GDPD1: variants seen among roughly 807,000 people sequenced by gnomAD.
GDPD1 encodes lysophospholipase D GDPD1.
GDPD1 carries 28 observed loss-of-function variants against 45.1 expected under a neutral mutation model. The ratio of observed to expected loss-of-function variants is 0.62; its 90% CI spans 0.46 to 0.85. GDPD1 has a LOEUF of 0.85. GDPD1 is among the 40% of genes least tolerant of loss of function. The pLI, the probability that GDPD1 is intolerant of heterozygous loss-of-function variation, is 0.00. For missense variants in GDPD1, 256 were observed against 364.8 expected, an observed-to-expected ratio of 0.70 and a Z score of 2.43; for synonymous variants, 139 against 131.4, an observed-to-expected ratio of 1.06 and a Z score of -0.40.
chr17:59,260,589 T>A (rs1292351608), intron 6 of GDPD1, among the ~76,000 whole-genome samples: 1 of 152,174 alleles, frequency 6.6e-6, no homozygotes, highest in Admixed American at 6.5e-5. Flanking sequence ...AAATGATAGT[T>A]AAACCTTCAT....
rs2047472458 is a variant in GDPD1, at chr17:59,275,124, G to C, written c.*1351G>C. 1 of 1,532,322 alleles carries C rather than the reference G, an allele frequency of 6.5e-7. No homozygotes were observed. The highest frequency in any genetic ancestry group is 8.7e-7 in the Non-Finnish European group (1 of 1,142,864). 94.9% of individuals were successfully genotyped at this position (1,532,322 alleles called of 1,614,324 possible). On this transcript the variant is annotated 3_prime_UTR_variant, in exon 10 of 10. Transcript: ENST00000284116. ...CTCAAAGTGCTGGGATTACAGGTTT[G>C]AACCACTGCACCCGGCCAGTAAAAG...
chr17:59,275,913 T>C lies in GDPD1; in HGVS notation c.*2140T>C, dbSNP rs2047476852. The C allele has an allele frequency of 6.6e-6, 1 of 152,246 alleles. No individual in the cohort carries two copies. The highest frequency in any genetic ancestry group is 1.5e-5 in the Non-Finnish European group (1 of 68,028). The allele number at this position is 152,246 out of a possible 1,614,324, so 9.4% of individuals were successfully genotyped here. Reference sequence around the variant, plus strand: ...CTGTACTCTCCTATCTGTCCCTGGATGACATAAATATCATTTGCTTTGTTG... The same window carrying C: ...CTGTACTCTCCTATCTGTCCCTGGACGACATAAATATCATTTGCTTTGTTG... On this transcript the variant is annotated 3_prime_UTR_variant, in exon 10 of 10. Transcript: ENST00000284116.
At chr17:59,224,523 G>T (rs966845120) in intron 1 of GDPD1, among the ~76,000 whole-genome samples, 3 of 151,818 alleles carry the variant, frequency 2.0e-5, no homozygotes, top group African/African-American at 4.8e-5. Flanking sequence ...TACTCAGGAG[G>T]CTGAGGCAGG....
chr17:59,223,886 A>T (rs2047025153), intron 1 of GDPD1, among the ~76,000 whole-genome samples: 1 of 152,008 alleles, frequency 6.6e-6, no homozygotes, highest in African/African-American at 2.4e-5. Flanking sequence ...ACTCCAGCTC[A>T]GGCGACAGTG....
intron 6 of GDPD1, 89 bp from the exon 7 acceptor site, chr17:59,266,952 T>C: frequency 9.3e-7 from 1 of 1,076,320 alleles, no homozygotes; most frequent in Non-Finnish European, 1.4e-6. Flanking sequence ...TTTCAACACA[T>C]TGTCTTGGGA....
At chr17:59,227,296 A>C (rs1568337229) in intron 1 of GDPD1, among the ~76,000 whole-genome samples, 1 of 151,724 alleles carries the variant, frequency 6.6e-6, no homozygotes, top group Non-Finnish European at 1.5e-5. Flanking sequence ...GCATGTGCTT[A>C]CAGTCCTAGC....
Position 59,255,800 on chromosome 17 carries a change from T to TATATACACAC in GDPD1, c.368-1317_368-1316insCACACATATA, listed in dbSNP as rs748031430. Among the ~76,000 whole-genome samples, 60 of 66,986 alleles carry TATATACACAC rather than the reference T, an allele frequency of 9.0e-4. 3 individuals carry two copies. Among genetic ancestry groups the TATATACACAC allele is most frequent in the African/African-American group, 5.8e-3 (57 of 9,814 alleles). 43.9% of individuals were successfully genotyped at this position (66,986 alleles called of 152,430 possible). Reference sequence around the variant, plus strand: ...ATATATATATACGCGTATATATGTATATATATATATACGCGTATATATATA... The same window carrying TATATACACAC: ...ATATATATATACGCGTATATATGTATATATACACACATATATATATACGCGTATATATATA... On this transcript the variant is annotated intron_variant, in intron 4 of 9. Transcript: ENST00000284116.
At chr17:59,249,472 A>C (rs1045092670) in intron 4 of GDPD1, among the ~76,000 whole-genome samples, 4 of 152,336 alleles carry the variant, frequency 2.6e-5, no homozygotes, top group African/African-American at 9.6e-5. Flanking sequence ...CCCCTTTCAA[A>C]TCCTTTCTGG....
At chr17:59,255,755 A>G (rs1469636333) in intron 4 of GDPD1, among the ~76,000 whole-genome samples, 1 of 87,528 alleles carries the variant, frequency 1.1e-5, no homozygotes, top group African/African-American at 7.0e-5. Context: ...AAAAAAAAAA[A>G]AAAAAAAATA....
chr17:59,248,302 TATAAAATAAA>T lies in GDPD1; in HGVS notation c.322-418_322-409del, dbSNP rs554878179. Among the ~76,000 whole-genome samples, 19 of 151,752 alleles carry T rather than the reference TATAAAATAAA, an allele frequency of 1.3e-4. No individual in the cohort carries two copies. The South Asian group carries it at 1.7e-3, about 13-fold the overall frequency. On this transcript the variant is annotated intron_variant, in intron 3 of 9. Transcript: ENST00000284116. Reference sequence around the variant, plus strand: ...CAATAGAGTGATACCCTGTCTCAAATATAAAATAAAATAAAATAAAATAAAATAATATTTA... The same window carrying T: ...CAATAGAGTGATACCCTGTCTCAAATATAAAATAAAATAAAATAATATTTA...
intron 1 of GDPD1, among the ~76,000 whole-genome samples, chr17:59,229,826 G>T (rs996047759): frequency 6.6e-6 from 1 of 152,142 alleles, no homozygotes; most frequent in Non-Finnish European, 1.5e-5. Flanking sequence ...TCTTTTCTGA[G>T]TATGTCCAGG....
At position 59,244,095 on chromosome 17, in the gene GDPD1, G is replaced by GA. The variant is rs1384306585; in HGVS notation, c.186-1315dup. 2.0e-5 allele frequency among the ~76,000 whole-genome samples: 3 copies of GA among 152,234 alleles called. No homozygotes were observed. In the East Asian group the frequency reaches 5.8e-4, roughly 29 times the overall value. On this transcript the variant is annotated intron_variant, in intron 2 of 9. Coordinates refer to ENST00000284116, the MANE Select transcript of GDPD1 (RefSeq NM_182569.4). ...TATTAAAAAGCTTTAGAGCAGGAAT[G>GA]AAAAGAAGTAAAGTACATTTGGAAG...
At chr17:59,240,099 T>C (rs1176936473) in intron 2 of GDPD1, among the ~76,000 whole-genome samples, 2 of 152,228 alleles carry the variant, frequency 1.3e-5, no homozygotes, top group African/African-American at 2.4e-5. Context: ...GAGACCAGCC[T>C]GTCCAATGTG....
intron 4 of GDPD1, among the ~76,000 whole-genome samples, chr17:59,251,912 G>T (rs1597979469): frequency 6.6e-6 from 1 of 150,702 alleles, no homozygotes. Flanking sequence ...GGAGGCTGAG[G>T]TGGGGGGATT....
chr17:59,250,613 C>CAA (rs34031181), intron 4 of GDPD1, among the ~76,000 whole-genome samples: 47,179 of 101,752 alleles, frequency 0.46, 9,268 homozygotes, highest in African/African-American at 0.57. Context: ...GACCTTGTCT[C>CAA]AAAAAAAAAA....
intron 4 of GDPD1, among the ~76,000 whole-genome samples, chr17:59,250,839 A>G (rs1289675777): frequency 1.3e-5 from 2 of 152,026 alleles, no homozygotes; most frequent in Non-Finnish European, 2.9e-5. Flanking sequence ...AGCTGGGATT[A>G]CAGGTACCCG....
intron 6 of GDPD1, among the ~76,000 whole-genome samples, chr17:59,264,800 A>G (rs1259584383): frequency 6.6e-6 from 1 of 152,150 alleles, no homozygotes; most frequent in African/African-American, 2.4e-5. Context: ...CTATTTTTTA[A>G]AAAAATAAAG....
rs554460246 is a variant in GDPD1, at chr17:59,261,354, G to A, written c.576+3514G>A. On this transcript the variant is annotated intron_variant, in intron 6 of 9. Transcript: ENST00000284116. ...GGAAGAACAGAGCAATCACTGGACT[G>A]AGTGGCTTTAGATTCCTAAGAACTT... Among the ~76,000 whole-genome samples the A allele has an allele frequency of 9.9e-5, 15 of 152,254 alleles. No individual in the cohort carries two copies. The South Asian group carries it at 2.9e-3, about 29-fold the overall frequency.
rs1226821183 is a variant in GDPD1 at position 59,257,180 on chromosome 17, C to G, written c.426C>G (p.Ala142=). ...RIPLLKEVFE[A]FPNTPINIDI... ...CATTACTGAAGGAAGTTTTTGAGGC[C>G]TTTCCTAACACTCCCATTAACATCG... is the stretch of plus-strand genomic sequence containing the variant. The change falls in exon 5 of 10, where the codon GCC becomes GCG. Residue 142 remains alanine, a synonymous_variant. Coordinates refer to ENST00000284116, the MANE Select transcript of GDPD1 (RefSeq NM_182569.4). 1.9e-6 allele frequency: 3 copies of G among 1,608,132 alleles called. No individual in the cohort carries two copies. In the African/African-American group the frequency reaches 4.0e-5, roughly 22 times the overall value.
Sources: gnomAD v4.1 joint callset for allele counts (sites outside exome capture counted in the v4.1 genomes callset) on GRCh38, gnomAD v4.1.1 for gene constraint, MANE v1.5 for transcripts, NCBI Gene and HGNC (gene_info 2026-07-23, HGNC 2026-07-21) for gene names.